ADGRE5: variants seen among roughly 807,000 people sequenced by gnomAD.
ADGRE5 encodes adhesion G protein-coupled receptor E5.
Under a neutral mutation model 100.3 loss-of-function variants are expected in ADGRE5, and 72 were observed. The ratio of observed to expected loss-of-function variants is 0.72; its 90% CI spans 0.59 to 0.87. The LOEUF (loss-of-function observed/expected upper bound fraction) is 0.87, where lower values mean the gene tolerates loss of function less well. ADGRE5 is among the 40% of genes least tolerant of loss of function. The pLI is 0.00. For missense variants in ADGRE5, 959 were observed against 1,094.7 expected (o/e 0.88, Z 1.75); for synonymous variants, 439 against 447.8 (o/e 0.98, Z 0.25).
At chr19:14,404,357 T>C in intron 12 of ADGRE5, 26 bp from the exon 13 acceptor site, 1 of 1,594,392 alleles carries the variant, frequency 6.3e-7, no homozygotes, top group Non-Finnish European at 8.5e-7. Flanking sequence ...AGGCCAACCT[T>C]TCTGACCACC....
chr19:14,406,411 C>A lies in ADGRE5; in HGVS notation c.1902C>A (p.Gly634=), dbSNP rs1369858352. The change falls in exon 15 of 20, where the codon GGC becomes GGA. Residue 634 remains glycine, a synonymous_variant. Transcript: ENST00000242786. This position sits in a 1 kb window ranked among gnomAD's most constrained non-coding sequence, Gnocchi z 6.0. ...CCTTCTGCTGGATGAGCCTCGAAGG[C>A]CTGGAGCTCTACTTTCTTGTGGTGC... ...LAAFCWMSLE[G]LELYFLVVRV... is the part of the protein sequence containing the mutation. 1.3e-6 allele frequency: 2 copies of A among 1,592,404 alleles called. No individual in the cohort carries two copies. The highest frequency in any genetic ancestry group is 2.3e-5 in the East Asian group (1 of 43,840).
At chr19:14,402,511 G>A (rs1419762948) in intron 11 of ADGRE5, 86 bp from the exon 12 acceptor site, 1 of 1,419,182 alleles carries the variant, frequency 7.0e-7, no homozygotes, top group East Asian at 2.3e-5. Context: ...TGGACTGGCT[G>A]AGCCTGAGCT....
In ADGRE5 at chr19:14,388,726, ACTC is replaced by A. The variant is rs770711965; in HGVS notation, c.102_104del (p.Ser35del). ...GGCTGTGCCCGGTGGTGCCCTCAGA[ACTC>A]CTCGTGTGTCAATGCCACCGCCTGT... On this transcript the variant is annotated inframe_deletion, in exon 3 of 20. Transcript: ENST00000242786. The A allele has an allele frequency of 8.1e-6, 13 of 1,613,322 alleles. No homozygotes were observed. The highest frequency in any genetic ancestry group is 1.1e-5 in the Non-Finnish European group (13 of 1,179,882).
intron 3 of ADGRE5, among the ~76,000 whole-genome samples, chr19:14,389,580 C>CA (rs1417619248): frequency 6.7e-6 from 1 of 149,594 alleles, no homozygotes; most frequent in Non-Finnish European, 1.5e-5. Context: ...ACTAAAAACA[C>CA]AAAAAATTAG....
intron 1 of ADGRE5, among the ~76,000 whole-genome samples, chr19:14,383,910 A>G (rs1361574917): frequency 6.6e-6 from 1 of 151,974 alleles, no homozygotes; most frequent in African/African-American, 2.4e-5. Context: ...TGTTTATTGG[A>G]TTCCTCCTGA....
At position 14,406,218 on chromosome 19, in the gene ADGRE5, C is replaced by T; in HGVS notation, c.1822-113C>T. 1 of 872,680 alleles carries T rather than the reference C, an allele frequency of 1.1e-6. No homozygotes were observed. The highest frequency in any genetic ancestry group is 1.7e-6 in the Non-Finnish European group (1 of 583,562). 54.1% of individuals were successfully genotyped at this position (872,680 alleles called of 1,614,324 possible). A position where few individuals can be genotyped will look rare whatever the true frequency, so the allele number is the denominator to read the frequency against. On this transcript the variant is annotated intron_variant, in intron 14 of 19. Transcript: ENST00000242786. The surrounding 1 kb of genome is among the most constrained non-coding windows in gnomAD (Gnocchi z 6.0). Reference sequence around the variant, plus strand: ...ACCTGGCCCCCGCTCCAGACCCGCCCACCCTCCGGCTGTGGTCCCGCCCAC... The same window carrying T: ...ACCTGGCCCCCGCTCCAGACCCGCCTACCCTCCGGCTGTGGTCCCGCCCAC...
chr19:14,382,983 G>A (rs372235855), intron 1 of ADGRE5, among the ~76,000 whole-genome samples: 16 of 151,980 alleles, frequency 1.1e-4, no homozygotes, highest in Middle Eastern at 3.4e-3. Context: ...TGATTCACCC[G>A]CCTCCGCCTC....
At chr19:14,384,211 G>C (rs1421134425) in intron 1 of ADGRE5, among the ~76,000 whole-genome samples, 1 of 151,506 alleles carries the variant, frequency 6.6e-6, no homozygotes, top group Non-Finnish European at 1.5e-5. Context: ...GGGGGTTTCG[G>C]CCTTGGTTTA....
Position 14,404,290 on chromosome 19 carries a change from T to C in ADGRE5, c.1450-93T>C, listed in dbSNP as rs1399081539. 3 of 1,158,948 alleles carry C rather than the reference T, an allele frequency of 2.6e-6. No homozygotes were observed. In the African/African-American group the frequency reaches 4.6e-5, roughly 18 times the overall value. 71.8% of individuals were successfully genotyped at this position (1,158,948 alleles called of 1,614,324 possible). A position where few individuals can be genotyped will look rare whatever the true frequency, so the allele number is the denominator to read the frequency against. The stretch of plus-strand genomic sequence containing the variant: ...AGTAGGCGCTCGGTCAATACTCATC[T>C]AGTAAAAAGCAGCCCTCTTAGACTC... On this transcript the variant is annotated intron_variant, in intron 12 of 19. Transcript: ENST00000242786.
At chr19:14,390,098 A>G (rs1240250421) in intron 3 of ADGRE5, among the ~76,000 whole-genome samples, 1 of 140,774 alleles carries the variant, frequency 7.1e-6, no homozygotes. Flanking sequence ...GAAGAAAAGA[A>G]CAAGAGAGAG....
chr19:14,384,983 C>CTTT (rs575538948), intron 1 of ADGRE5, among the ~76,000 whole-genome samples: 1 of 82,464 alleles, frequency 1.2e-5, no homozygotes, highest in African/African-American at 4.3e-5. Context: ...TCTTTTCTTT[C>CTTT]TTTTTTTTTT....
At chr19:14,407,638 C>CAAAAAA (rs566106681) in intron 18 of ADGRE5, among the ~76,000 whole-genome samples, 2,332 of 84,406 alleles carry the variant, frequency 0.028, 99 homozygotes, top group African/African-American at 0.099. Context: ...GACTTGTCTC[C>CAAAAAA]AAAAAAAAAA....
rs1286438165 is a variant in ADGRE5, at chr19:14,406,488, A to G, written c.1979A>G (p.Tyr660Cys). The change falls in exon 15 of 20, where the codon TAT (tyrosine) becomes TGT (cysteine). Residue 660 changes from tyrosine (Y) to cysteine (C), a missense_variant. Tyr to Cys is a radical substitution (Grantham distance 194). Transcript: ENST00000242786. This position sits in a 1 kb window ranked among gnomAD's most constrained non-coding sequence, Gnocchi z 6.0. ...LSTRWLCLIG[Y>C]GVPLLIVGVS... is the part of the protein sequence containing the mutation. The stretch of plus-strand genomic sequence containing the variant: ...ACGCGCTGGCTCTGCCTGATCGGCT[A>G]TGGCGTGCCCCTGCTCATCGTGGGC... 3 of 1,565,840 alleles carry G rather than the reference A, an allele frequency of 1.9e-6. No individual in the cohort carries two copies. The highest frequency in any genetic ancestry group is 2.4e-5 in the East Asian group (1 of 41,976).
chr19:14,391,773 G>A (rs1975609005), intron 4 of ADGRE5, among the ~76,000 whole-genome samples: 1 of 151,620 alleles, frequency 6.6e-6, no homozygotes, highest in Admixed American at 6.6e-5. Context: ...TTTCTTGGAG[G>A]CAGGATTTTA....
At chr19:14,405,061 T>A (rs1335872908) in intron 13 of ADGRE5, 2 of 158,848 alleles carry the variant, frequency 1.3e-5, no homozygotes, top group Non-Finnish European at 2.8e-5. Context: ...CCCAGGCTAG[T>A]CTCAAACTCC....
At chr19:14,400,061 C>G (rs1296879980) in intron 9 of ADGRE5, among the ~76,000 whole-genome samples, 1 of 151,828 alleles carries the variant, frequency 6.6e-6, no homozygotes, top group Non-Finnish European at 1.5e-5. Context: ...GCTCTGTCGC[C>G]CAGGCCGGAG....
At chr19:14,404,584 C>A in intron 13 of ADGRE5, 22 bp downstream of exon 13, 1 of 1,606,852 alleles carries the variant, frequency 6.2e-7, no homozygotes, top group African/African-American at 1.3e-5. Context: ...GAGGCATCCT[C>A]AAGTGCCCAC....
chr19:14,406,221 C>G lies in ADGRE5; in HGVS notation c.1822-110C>G, dbSNP rs1187655195. ...TGGCCCCCGCTCCAGACCCGCCCAC[C>G]CTCCGGCTGTGGTCCCGCCCACTCT... On this transcript the variant is annotated intron_variant, in intron 14 of 19. Transcript: ENST00000242786. The surrounding 1 kb of genome is among the most constrained non-coding windows in gnomAD (Gnocchi z 6.0). The G allele has an allele frequency of 1.3e-5, 12 of 895,454 alleles. No individual in the cohort carries two copies. Among genetic ancestry groups the G allele is most frequent in the Non-Finnish European group, 1.8e-5 (11 of 603,132 alleles). 55.5% of individuals were successfully genotyped at this position (895,454 alleles called of 1,614,324 possible).
intron 3 of ADGRE5, among the ~76,000 whole-genome samples, chr19:14,389,553 T>C (rs1453454663): frequency 6.7e-5 from 9 of 134,728 alleles, no homozygotes; most frequent in Admixed American, 3.7e-4. Flanking sequence ...GCCAACATGG[T>C]GAAACCTCCT....
Sources: allele counts gnomAD v4.1 joint callset (sites outside exome capture counted in the v4.1 genomes callset), GRCh38; gene constraint gnomAD v4.1.1; non-coding constraint Gnocchi (gnomAD v3.1); transcripts MANE v1.5; gene names NCBI Gene and HGNC (gene_info 2026-07-23, HGNC 2026-07-21).